The following FAM174C variants were observed in gnomAD, a reference collection of about 807,000 sequenced individuals.
FAM174C encodes family with sequence similarity 174 member C.
In FAM174C, 19 loss-of-function variants were observed where a neutral mutation model predicts 12.3. The observed-to-expected ratio is 1.55, with a 90% CI of 1.08 to 2.27. The LOEUF (loss-of-function observed/expected upper bound fraction) is 2.27. Among genes scored for constraint, FAM174C ranks in the 30% most tolerant of loss-of-function variants. FAM174C has a pLI of 0.00. For missense variants in FAM174C, 239 were observed against 190.2 expected (o/e 1.26, Z -1.51); for synonymous variants, 147 against 103.5 (o/e 1.42, Z -2.55).
chr19:1,278,693 GC>G, intron 2 of FAM174C, 83 bp from the exon 3 acceptor site: 1 of 1,580,332 alleles, frequency 6.3e-7, no homozygotes, highest in Non-Finnish European at 8.6e-7. Context: ...CAGGCTGCCT[GC>G]CCCTGCCTGA....
In FAM174C at chr19:1,279,157, G is replaced by A. The variant is rs2081428767; in HGVS notation, c.*380G>A. 1 of 1,613,022 alleles carries A rather than the reference G, an allele frequency of 6.2e-7. No homozygotes were observed. On this transcript the variant is annotated 3_prime_UTR_variant, in exon 3 of 3. Coordinates refer to ENST00000409293, the MANE Select transcript of FAM174C (RefSeq NM_017914.4). ...CCCAGAGCCAAGGCTGGGTGGGCAG[G>A]TGACCCAAGGAACCTTTCTGGGAAC...
intron 2 of FAM174C, 149 bp from the exon 3 acceptor site, chr19:1,278,628 C>T (rs1465209408): frequency 1.0e-5 from 15 of 1,463,738 alleles, no homozygotes; most frequent in South Asian, 4.0e-5. Context: ...CCCAGGAGGC[C>T]GGGGAGGGAG....
Position 1,278,968 on chromosome 19 carries a change from C to T in FAM174C, c.*191C>T, listed in dbSNP as rs1277104314. On this transcript the variant is annotated 3_prime_UTR_variant, in exon 3 of 3. Coordinates refer to ENST00000409293, the MANE Select transcript of FAM174C (RefSeq NM_017914.4). The stretch of plus-strand genomic sequence containing the variant: ...CCCGCCGACCTGTTGCCACCTGCAC[C>T]CACCGCTGGACCATGCAGCCTCGCC... 1 of 1,612,580 alleles carries T rather than the reference C, an allele frequency of 6.2e-7. No homozygotes were observed. Among genetic ancestry groups the T allele is most frequent in the African/African-American group, 1.3e-5 (1 of 74,936 alleles).
chr19:1,276,462 A>T (rs2081415644), intron 1 of FAM174C: 1 of 152,792 alleles, frequency 6.5e-6, no homozygotes, highest in Admixed American at 6.5e-5. Context: ...TGGGCTCCTG[A>T]CTACCCAGTG....
At chr19:1,278,731 C>T (rs757142026) in intron 2 of FAM174C, 46 bp from the exon 3 acceptor site, 78 of 1,608,282 alleles carry the variant, frequency 4.8e-5, no homozygotes, top group Middle Eastern at 2.2e-4. Context: ...CCCGGCAGGG[C>T]GGGCCCTTCA....
chr19:1,275,717 C>T lies in FAM174C; in HGVS notation c.168C>T (p.Asn56=). The change falls in exon 1 of 3, where the codon AAC becomes AAT. Residue 56 remains asparagine (N), a synonymous_variant. Coordinates refer to ENST00000409293, the MANE Select transcript of FAM174C (RefSeq NM_017914.4). ...GGAGCCAGCCGGGCGCGCCACACAA[C>T]AGCACGCACACGCGTCCGCCGGGGG... The part of the protein sequence containing the change: ...TNGSQPGAPH[N]STHTRPPGAS... The T allele has an allele frequency of 1.3e-6, 2 of 1,530,334 alleles. No individual in the cohort carries two copies. The highest frequency in any genetic ancestry group is 1.7e-6 in the Non-Finnish European group (2 of 1,143,086). 94.8% of individuals were successfully genotyped at this position (1,530,334 alleles called of 1,614,324 possible).
Position 1,279,080 on chromosome 19 carries a change from C to T in FAM174C, c.*303C>T. 6.2e-7 allele frequency: 1 copy of T among 1,612,536 alleles called. No individual in the cohort carries two copies. Among genetic ancestry groups the T allele is most frequent in the Non-Finnish European group, 8.5e-7 (1 of 1,179,980 alleles). On this transcript the variant is annotated 3_prime_UTR_variant, in exon 3 of 3. Transcript: ENST00000409293. ...CCACCGCCCAGGACGCTGAGGCTCC[C>T]TTGCCTGACTGTGACTTGTGCCTCT...
rs757667384 is a variant in FAM174C, at chr19:1,278,912, A to G, written c.*135A>G. ...CCCGGGGCTGGTCTCACCCAGTGCC[A>G]ACCCGAGAGCTCCTTTTGGAACCTG... On this transcript the variant is annotated 3_prime_UTR_variant, in exon 3 of 3. Coordinates refer to ENST00000409293, the MANE Select transcript of FAM174C (RefSeq NM_017914.4). The G allele has an allele frequency of 2.5e-6, 4 of 1,613,226 alleles. No individual in the cohort carries two copies. The highest frequency in any genetic ancestry group is 3.4e-6 in the Non-Finnish European group (4 of 1,179,920).
intron 1 of FAM174C, chr19:1,276,955 G>A: frequency 2.0e-6 from 1 of 505,966 alleles, no homozygotes; most frequent in South Asian, 3.8e-5. Flanking sequence ...CCTGGCGCAG[G>A]GGAGATGGGA....
Position 1,278,991 on chromosome 19 carries a change from G to A in FAM174C, c.*214G>A. On this transcript the variant is annotated 3_prime_UTR_variant, in exon 3 of 3. Coordinates refer to ENST00000409293, the MANE Select transcript of FAM174C (RefSeq NM_017914.4). ...ACCCACCGCTGGACCATGCAGCCTC[G>A]CCTCCTGGATGCTGTCCCAGCCTGG... 2.5e-6 allele frequency: 4 copies of A among 1,612,042 alleles called. No homozygotes were observed. Among genetic ancestry groups the A allele is most frequent in the Non-Finnish European group, 3.4e-6 (4 of 1,179,940 alleles).
At chr19:1,275,989 G>A in intron 1 of FAM174C, 159 bp downstream of exon 1, 1 of 692,174 alleles carries the variant, frequency 1.4e-6, no homozygotes, top group South Asian at 1.9e-5. Flanking sequence ...GGGTCGTCAC[G>A]TGGTGTGGGC....
In FAM174C at chr19:1,275,773, A is replaced by C. The variant is rs1033073792; in HGVS notation, c.224A>C (p.Tyr75Ser). 1 of 1,539,618 alleles carries C rather than the reference A, an allele frequency of 6.5e-7. No homozygotes were observed. Among genetic ancestry groups the C allele is most frequent in the Non-Finnish European group, 8.7e-7 (1 of 1,146,220 alleles). Reference protein sequence around the residue: ...ASGSALTRSFYVILGFCGLTA... With the variant: ...ASGSALTRSFSVILGFCGLTA... ...GGCTCGGCGCTGACGCGCTCCTTCT[A>C]CGTGATCCTGGGCTTCTGCGGCCTG... is the stretch of plus-strand genomic sequence containing the variant. The change falls in exon 1 of 3, where the codon TAC becomes TCC. Residue 75 changes from tyrosine to serine, a missense_variant. Tyr to Ser is a moderately radical substitution (Grantham distance 144, BLOSUM62 -2). Transcript: ENST00000409293.
chr19:1,279,109 C>T lies in FAM174C; in HGVS notation c.*332C>T. On this transcript the variant is annotated 3_prime_UTR_variant, in exon 3 of 3. Transcript: ENST00000409293. The stretch of plus-strand genomic sequence containing the variant: ...CCTGACTGTGACTTGTGCCTCTCTC[C>T]TGCCCCCGTGGGGACATGGCAGCCC... The T allele has an allele frequency of 6.2e-7, 1 of 1,612,962 alleles. No homozygotes were observed. Among genetic ancestry groups the T allele is most frequent in the East Asian group, 2.2e-5 (1 of 44,892 alleles).
rs773720585 is a variant in FAM174C at position 1,278,748 on chromosome 19, C to A, written c.*-29C>A. ...CGGCAGGGCGGGCCCTTCACTCCTT[C>A]CCTCTCACCCTTGACCCCCTGCTTT... On this transcript the variant is annotated intron_variant, in intron 2 of 2. Transcript: ENST00000409293. 3 of 1,611,308 alleles carry A rather than the reference C, an allele frequency of 1.9e-6. No individual in the cohort carries two copies. The Admixed American group carries it at 5.0e-5, about 27-fold the overall frequency.
chr19:1,277,429 G>A (rs1439197408), intron 2 of FAM174C, 130 bp downstream of exon 2: 10 of 1,361,254 alleles, frequency 7.3e-6, no homozygotes, highest in Non-Finnish European at 9.7e-6. Flanking sequence ...GTCAGGCCAT[G>A]GCCCCACTGG....
At chr19:1,276,955 G>T in intron 1 of FAM174C, 1 of 505,966 alleles carries the variant, frequency 2.0e-6, no homozygotes, top group Non-Finnish European at 3.2e-6. Flanking sequence ...CCTGGCGCAG[G>T]GGAGATGGGA....
rs368338725 is a variant in FAM174C, at chr19:1,279,059, C to T, written c.*282C>T. The T allele has an allele frequency of 4.5e-5, 73 of 1,611,990 alleles. No individual in the cohort carries two copies. The African/African-American group carries it at 6.9e-4, about 15-fold the overall frequency. On this transcript the variant is annotated 3_prime_UTR_variant, in exon 3 of 3. Transcript: ENST00000409293. ...AGACTGGAGGGACCCCAACAGCCACCGCCCAGGACGCTGAGGCTCCCTTGC... is the reference window on the plus strand; with the variant it reads ...AGACTGGAGGGACCCCAACAGCCACTGCCCAGGACGCTGAGGCTCCCTTGC...
intron 2 of FAM174C, among the ~76,000 whole-genome samples, chr19:1,277,556 C>T (rs1365686776): frequency 6.6e-6 from 1 of 152,140 alleles, no homozygotes; most frequent in Non-Finnish European, 1.5e-5. Context: ...CTGCAACCTC[C>T]GCCTCCGGGA....
Position 1,279,116 on chromosome 19 carries a change from C to A in FAM174C, c.*339C>A, listed in dbSNP as rs375280836. 6 of 1,612,966 alleles carry A rather than the reference C, an allele frequency of 3.7e-6. No homozygotes were observed. The highest frequency in any genetic ancestry group is 1.7e-4 in the Middle Eastern group (1 of 6,060). On this transcript the variant is annotated 3_prime_UTR_variant, in exon 3 of 3. Transcript: ENST00000409293. ...GTGACTTGTGCCTCTCTCCTGCCCC[C>A]GTGGGGACATGGCAGCCCAGAGCCA...
Sources: allele counts gnomAD v4.1 joint callset (sites outside exome capture counted in the v4.1 genomes callset), GRCh38; gene constraint gnomAD v4.1.1; transcripts MANE v1.5; gene names NCBI Gene and HGNC (gene_info 2026-07-23, HGNC 2026-07-21).